RBFOX1: variants seen among roughly 807,000 people sequenced by gnomAD.
The protein encoded by RBFOX1 is RNA binding protein fox-1 homolog 1.
A neutral mutation model predicts 57.7 loss-of-function variants in RBFOX1; 8 were observed. The observed-to-expected ratio is 0.14, with a 90% CI of 0.08 to 0.25. The LOEUF is 0.25. RBFOX1 is among the 10% of genes least tolerant of loss of function. The probability of loss-of-function intolerance (pLI) is 1.00; values close to 1 mark genes in which losing one functional copy is unlikely to be tolerated. For missense variants in RBFOX1, 611 were observed against 548.5 expected, an observed-to-expected ratio of 1.11 and a Z score of -1.14; for synonymous variants, 326 against 222.4, an observed-to-expected ratio of 1.47 and a Z score of -4.15.
intron 4 of RBFOX1, among the ~76,000 whole-genome samples, chr16:7,264,405 A>G (rs1055378553): frequency 2.0e-5 from 3 of 152,228 alleles, no homozygotes; most frequent in South Asian, 2.1e-4. Flanking sequence ...CCAGCTTACA[A>G]CAGATCTGGG....
chr16:6,377,638 C>A (rs183703464), intron 2 of RBFOX1, among the ~76,000 whole-genome samples: 10 of 152,286 alleles, frequency 6.6e-5, no homozygotes, highest in African/African-American at 2.4e-4. Flanking sequence ...AGCGCCTCAC[C>A]CTCTCTTAAA....
intron 4 of RBFOX1, among the ~76,000 whole-genome samples, chr16:5,909,314 G>C (rs192262300): frequency 7.2e-5 from 11 of 152,036 alleles, no homozygotes; most frequent in Middle Eastern, 3.4e-3. Flanking sequence ...GGATGGTCTC[G>C]ATCTCTGGAC....
At chr16:7,097,674 T>G (rs1261086252) in intron 4 of RBFOX1, among the ~76,000 whole-genome samples, 1 of 152,170 alleles carries the variant, frequency 6.6e-6, no homozygotes, top group Non-Finnish European at 1.5e-5. Context: ...CTGGTTTTGA[T>G]CTATATTTTC....
chr16:7,578,226 A>T (rs868307050), intron 5 of RBFOX1, among the ~76,000 whole-genome samples: 1 of 152,224 alleles, frequency 6.6e-6, no homozygotes, highest in Non-Finnish European at 1.5e-5. Flanking sequence ...AAGCCTCAAA[A>T]GGTATGAACT....
intron 1 of RBFOX1, among the ~76,000 whole-genome samples, chr16:6,074,992 A>G (rs2095878372): frequency 6.6e-6 from 1 of 152,194 alleles, no homozygotes. Flanking sequence ...GGTTAAGGAG[A>G]AAATCTTTGT....
chr16:5,968,084 T>A (rs1038545521), intron 4 of RBFOX1, among the ~76,000 whole-genome samples: 1 of 152,204 alleles, frequency 6.6e-6, no homozygotes, highest in East Asian at 1.9e-4. Flanking sequence ...TACTTTATTT[T>A]ATTTCATTGA....
intron 3 of RBFOX1, among the ~76,000 whole-genome samples, chr16:5,657,622 C>CTCTTTCTTTCTTTCTTTCTTTCTTTCTT (rs913576502): frequency 2.9e-5 from 3 of 102,998 alleles, no homozygotes; most frequent in African/African-American, 1.3e-4. Context: ...CTTTCTTTCT[C>CTCTTTCTTTCTTTCTTTCTTTCTTTCTT]TCTTTCTTTC....
chr16:7,452,186 G>A (rs150024672), intron 4 of RBFOX1, among the ~76,000 whole-genome samples: 12 of 152,262 alleles, frequency 7.9e-5, no homozygotes, highest in African/African-American at 2.4e-4. Context: ...CTGTAAATAC[G>A]CATATAAATA....
intron 3 of RBFOX1, among the ~76,000 whole-genome samples, chr16:6,989,828 C>T (rs1022511307): frequency 8.6e-5 from 13 of 151,862 alleles, no homozygotes; most frequent in African/African-American, 3.1e-4. Context: ...GGTGAAATTC[C>T]ATCTCTACTA....
intron 3 of RBFOX1, among the ~76,000 whole-genome samples, chr16:6,748,591 C>G (rs185950684): frequency 3.2e-4 from 48 of 152,216 alleles, no homozygotes; most frequent in African/African-American, 9.4e-4. Context: ...CCCAGAAGTT[C>G]GAGGCTGTTG....
chr16:7,704,605 T>C lies in RBFOX1; in HGVS notation c.996-4451T>C, dbSNP rs115146498. ...ACTGTTCTAGACAGTGGGGATGCAA[T>C]GGCAGACAAAATAGACACTGCCCCA... On this transcript the variant is annotated intron_variant, in intron 14 of 15. Coordinates refer to ENST00000550418, the MANE Select transcript of RBFOX1 (RefSeq NM_018723.4). 6.5e-3 allele frequency among the ~76,000 whole-genome samples: 995 copies of C among 152,292 alleles called. 10 individuals carry two copies. The highest frequency in any genetic ancestry group is 0.023 in the African/African-American group (946 of 41,544).
At chr16:7,703,668 A>T (rs2081486679) in intron 14 of RBFOX1, among the ~76,000 whole-genome samples, 1 of 152,200 alleles carries the variant, frequency 6.6e-6, no homozygotes, top group Non-Finnish European at 1.5e-5. Flanking sequence ...GTAGGTGTAC[A>T]TAGTACTTCT....
chr16:7,593,966 C>T (rs2094566621), intron 7 of RBFOX1, among the ~76,000 whole-genome samples: 1 of 152,112 alleles, frequency 6.6e-6, no homozygotes, highest in Non-Finnish European at 1.5e-5. Context: ...CAGCCCATTG[C>T]ACAATACTTT....
intron 1 of RBFOX1, among the ~76,000 whole-genome samples, chr16:5,299,204 C>T (rs1262220993): frequency 6.8e-6 from 1 of 146,608 alleles, no homozygotes; most frequent in Non-Finnish European, 1.5e-5. Context: ...TTATGCCTGG[C>T]TTTTTTTTTT....
intron 3 of RBFOX1, among the ~76,000 whole-genome samples, chr16:5,851,657 G>A (rs972449008): frequency 6.6e-6 from 1 of 152,196 alleles, no homozygotes; most frequent in Non-Finnish European, 1.5e-5. Context: ...CATAAATTAT[G>A]TCATCTCTGT....
intron 4 of RBFOX1, among the ~76,000 whole-genome samples, chr16:7,057,877 G>A (rs529473823): frequency 2.6e-5 from 4 of 151,882 alleles, no homozygotes; most frequent in African/African-American, 4.8e-5. Context: ...GCATGGTGGC[G>A]GGCGCCTGTA....
intron 4 of RBFOX1, among the ~76,000 whole-genome samples, chr16:7,134,147 T>G (rs553445060): frequency 6.6e-6 from 1 of 152,138 alleles, no homozygotes; most frequent in Non-Finnish European, 1.5e-5. Context: ...AAAACGGTGG[T>G]CAGCAGAGAG....
chr16:6,615,709 A>G (rs1338519184), intron 2 of RBFOX1, among the ~76,000 whole-genome samples: 1 of 152,130 alleles, frequency 6.6e-6, no homozygotes, highest in Non-Finnish European at 1.5e-5. Context: ...CATCAATGCA[A>G]ACACTTGTAT....
rs75553680 is a variant in RBFOX1, at chr16:5,456,131, A to G, written c.220-11085A>G. On this transcript the variant is annotated intron_variant, in intron 1 of 2. Transcript: ENST00000585867. ...ATTTTTTTAAAAAAAAAACGTGCTT[A>G]ACATGAGGTTATGCTATCTATAGTC... 7.5e-3 allele frequency among the ~76,000 whole-genome samples: 1,144 copies of G among 152,304 alleles called. 10 individuals are homozygous for G. The highest frequency in any genetic ancestry group is 0.024 in the African/African-American group (980 of 41,560).
Sources: gnomAD v4.1 joint callset for allele counts (sites outside exome capture counted in the v4.1 genomes callset) on GRCh38, gnomAD v4.1.1 for gene constraint, MANE v1.5 for transcripts, NCBI Gene and HGNC (gene_info 2026-07-23, HGNC 2026-07-21) for gene names.